Variants in MAZ observed in about 807,000 individuals in gnomAD.
MAZ encodes the protein myc-associated zinc finger protein.
A neutral mutation model predicts 32.7 loss-of-function variants in MAZ; 4 were observed. That is an observed-to-expected ratio of 0.12 (90% CI 0.06 to 0.28). The LOEUF (loss-of-function observed/expected upper bound fraction) is 0.28. Ranked by LOEUF, MAZ falls within the 10% of genes least tolerant of loss-of-function variation. The probability of loss-of-function intolerance (pLI) is 1.00; values close to 1 mark genes in which losing one functional copy is unlikely to be tolerated. For missense variants in MAZ, 763 were observed against 667.2 expected (o/e 1.14, Z -1.58); for synonymous variants, 510 against 297.6 (o/e 1.71, Z -7.35).
Position 29,809,456 on chromosome 16 carries a change from G to A in MAZ, c.1280-621G>A, listed in dbSNP as rs1899778028. On this transcript the variant is annotated intron_variant, in intron 4 of 4. Transcript: ENST00000322945. ...AGGAGGACAGGGCCATCTGAGGAGG[G>A]CATCCCCCGCCTAGGAGATCAGCCC... is the stretch of plus-strand genomic sequence containing the variant. 4 of 852,782 alleles carry A rather than the reference G, an allele frequency of 4.7e-6. No individual in the cohort carries two copies. In the East Asian group the frequency reaches 1.1e-4, roughly 23 times the overall value. 52.8% of individuals were successfully genotyped at this position (852,782 alleles called of 1,614,324 possible). A position where few individuals can be genotyped will look rare whatever the true frequency, so the allele number is the denominator to read the frequency against.
At chr16:29,808,373 C>T (rs923889792) in intron 3 of MAZ, 80 bp downstream of exon 3, 22 of 1,386,710 alleles carry the variant, frequency 1.6e-5, no homozygotes, top group African/African-American at 2.8e-5. Context: ...CTCTCAGACC[C>T]CCTTTTTCTC....
intron 4 of MAZ, 153 bp downstream of exon 4, chr16:29,808,894 A>C (rs1899728214): frequency 1.5e-6 from 1 of 665,944 alleles, no homozygotes; most frequent in Non-Finnish European, 2.5e-6. Flanking sequence ...GGGACACCTG[A>C]ATGAACATCA....
intron 3 of MAZ, 91 bp downstream of exon 3, chr16:29,808,384 T>C (rs1173997489): frequency 1.5e-6 from 2 of 1,351,818 alleles, no homozygotes; most frequent in Non-Finnish European, 2.1e-6. Flanking sequence ...CCTTTTTCTC[T>C]CTCTTCTTTT....
chr16:29,807,853 G>T (rs1899616365), intron 2 of MAZ, 25 bp downstream of exon 2: 1 of 1,593,474 alleles, frequency 6.3e-7, no homozygotes, highest in Non-Finnish European at 8.5e-7. Context: ...TCGGCCGCCC[G>T]CTAGGCCGTG....
chr16:29,806,905 C>A lies in MAZ; in HGVS notation c.192+12C>A, dbSNP rs746646924. ...AGAGTCCATTCCAGGTGAGTAGGGC[C>A]GGCCGCGGCGGCCCGGGCTGGGGGG... On this transcript the variant is annotated intron_variant, in intron 1 of 4. Transcript: ENST00000322945. 49 of 1,277,742 alleles carry A rather than the reference C, an allele frequency of 3.8e-5. No individual in the cohort carries two copies. The highest frequency in any genetic ancestry group is 2.2e-4 in the Admixed American group (6 of 27,562). The allele number at this position is 1,277,742 out of a possible 1,614,324, so 79.2% of individuals were successfully genotyped here.
At chr16:29,809,877 G>C (rs1899814917) in intron 4 of MAZ, 200 bp from the exon 5 acceptor site, 2 of 1,054,006 alleles carry the variant, frequency 1.9e-6, no homozygotes, top group South Asian at 1.6e-5. Flanking sequence ...TACCACTCAG[G>C]CTAGGGAGAC....
At chr16:29,809,894 G>C in intron 4 of MAZ, 183 bp from the exon 5 acceptor site, 1 of 1,135,380 alleles carries the variant, frequency 8.8e-7, no homozygotes, top group Non-Finnish European at 1.3e-6. Flanking sequence ...AGACTTCTGG[G>C]CACAGGGAGG....
At chr16:29,808,876 G>A in intron 4 of MAZ, 135 bp downstream of exon 4, 1 of 759,638 alleles carries the variant, frequency 1.3e-6, no homozygotes, top group Middle Eastern at 3.8e-4. Flanking sequence ...GGTCAAGGGA[G>A]CAGCGGGGGG....
At chr16:29,808,491 A>C in intron 3 of MAZ, 79 bp from the exon 4 acceptor site, 2 of 1,071,406 alleles carry the variant, frequency 1.9e-6, no homozygotes. Flanking sequence ...TGATTCCTTT[A>C]ATCTCTTGCT....
Position 29,806,576 on chromosome 16 carries a change from C to T in MAZ, c.-126C>T. The T allele has an allele frequency of 1.0e-6, 1 of 958,004 alleles. No homozygotes were observed. The highest frequency in any genetic ancestry group is 1.2e-6 in the Non-Finnish European group (1 of 811,230). The allele number at this position is 958,004 out of a possible 1,614,324, so 59.3% of individuals were successfully genotyped here. A position where few individuals can be genotyped will look rare whatever the true frequency, so the allele number is the denominator to read the frequency against. The stretch of plus-strand genomic sequence containing the variant: ...CCGGGGTGCGCGGGCGGCGGGGCGG[C>T]CCGCGGGCCATGCGTTCGGCGCGGC... On this transcript the variant is annotated 5_prime_UTR_variant, in exon 1 of 5. Coordinates refer to ENST00000322945, the MANE Select transcript of MAZ (RefSeq NM_002383.4).
Position 29,806,796 on chromosome 16 carries a change from CG to C in MAZ, c.96del (p.Pro33HisfsTer95). The C allele has an allele frequency of 7.0e-7, 1 of 1,434,174 alleles. No homozygotes were observed. The highest frequency in any genetic ancestry group is 9.2e-7 in the Non-Finnish European group (1 of 1,087,082). The allele number at this position is 1,434,174 out of a possible 1,614,324, so 88.8% of individuals were successfully genotyped here. A position where few individuals can be genotyped will look rare whatever the true frequency, so the allele number is the denominator to read the frequency against. On this transcript the variant is annotated frameshift_variant, in exon 1 of 5. Transcript: ENST00000322945. LOFTEE classifies it high-confidence loss of function. Reference protein sequence around the residue: ...RGVGGLMNSFPPPQGHAQNPL... With the variant: ...RGVGGLMNSFXPPQGHAQNPL... ...GTGGGCGGCCTCATGAACTCCTTCC[CG>C]CCACCTCAGGGTCACGCCCAGAACC...
In MAZ at chr16:29,811,126, G is replaced by A. The variant is rs1048315210; in HGVS notation, c.*895G>A. On this transcript the variant is annotated 3_prime_UTR_variant, in exon 5 of 5. Transcript: ENST00000322945. ...ACCCCACCCTCCACCCCTTCCTTTT[G>A]CGCGGACCCCATTACAATAAATTTT... The A allele has an allele frequency of 9.0e-6, 4 of 442,936 alleles. No individual in the cohort carries two copies. Among genetic ancestry groups the A allele is most frequent in the Non-Finnish European group, 1.8e-5 (4 of 221,198 alleles). The allele number at this position is 442,936 out of a possible 1,614,324, so 27.4% of individuals were successfully genotyped here.
chr16:29,808,774 G>A (rs918609866), intron 4 of MAZ, 33 bp downstream of exon 4: 8 of 1,607,022 alleles, frequency 5.0e-6, no homozygotes, highest in African/African-American at 4.0e-5. Context: ...AGGGCCAGGG[G>A]CAGAGGGTGG....
chr16:29,810,631 C>A lies in MAZ; in HGVS notation c.*400C>A. 1.6e-6 allele frequency: 1 copy of A among 622,348 alleles called. No individual in the cohort carries two copies. The highest frequency in any genetic ancestry group is 2.9e-6 in the Non-Finnish European group (1 of 347,448). 38.6% of individuals were successfully genotyped at this position (622,348 alleles called of 1,614,324 possible). On this transcript the variant is annotated 3_prime_UTR_variant, in exon 5 of 5. Coordinates refer to ENST00000322945, the MANE Select transcript of MAZ (RefSeq NM_002383.4). Reference sequence around the variant, plus strand: ...AGTCCTCTCCCCCTGCTGTCTGCAGCCCCTCCCCGGGGAGTTGGTGCTTTC... The same window carrying A: ...AGTCCTCTCCCCCTGCTGTCTGCAGACCCTCCCCGGGGAGTTGGTGCTTTC...
At chr16:29,806,135 T>C, upstream of MAZ, 1 of 880,418 alleles carries the variant, frequency 1.1e-6, no homozygotes, top group Non-Finnish European at 1.5e-6. Context: ...CCTCCCTCCC[T>C]CCCTCCGCCA....
chr16:29,808,850 C>T lies in MAZ; in HGVS notation c.1279+109C>T, dbSNP rs779425328. The T allele has an allele frequency of 3.6e-5, 40 of 1,099,330 alleles. No individual in the cohort carries two copies. In the South Asian group the frequency reaches 5.6e-4, roughly 15 times the overall value. The allele number at this position is 1,099,330 out of a possible 1,614,324, so 68.1% of individuals were successfully genotyped here. A position where few individuals can be genotyped will look rare whatever the true frequency, so the allele number is the denominator to read the frequency against. ...TGCTGTAGCCAAGAGCTCGTGGCGT[C>T]TAGATTCCTACAAGAGGTCAAGGGA... On this transcript the variant is annotated intron_variant, in intron 4 of 4. Transcript: ENST00000322945.
intron 2 of MAZ, 33 bp from the exon 3 acceptor site, chr16:29,808,197 T>G (rs1459937783): frequency 6.2e-7 from 1 of 1,600,654 alleles, no homozygotes; most frequent in Non-Finnish European, 8.6e-7. Context: ...GCGCACCACC[T>G]CCGCCCTAAC....
At chr16:29,809,255 C>T in intron 4 of MAZ, 1 of 543,462 alleles carries the variant, frequency 1.8e-6, no homozygotes, top group Non-Finnish European at 3.2e-6. Flanking sequence ...CTGCAAGTGG[C>T]TAGGAGTCAG....
intron 4 of MAZ, chr16:29,809,380 C>G (rs899960869): frequency 3.3e-6 from 2 of 613,730 alleles, no homozygotes; most frequent in East Asian, 5.6e-5. Context: ...GGGGCTGTGT[C>G]TACCAGCCCC....
Sources: gnomAD v4.1 joint callset for allele counts on GRCh38, gnomAD v4.1.1 for gene constraint, MANE v1.5 for transcripts, NCBI Gene and HGNC (gene_info 2026-07-23, HGNC 2026-07-21) for gene names.